Variants in ACOXL observed in about 807,000 individuals in gnomAD.
The protein encoded by ACOXL is acyl-CoA oxidase like.
In ACOXL, 70 loss-of-function variants were observed where a neutral mutation model predicts 71.9. That is an observed-to-expected ratio of 0.97 (90% CI 0.80 to 1.19). ACOXL has a LOEUF of 1.19. Ranked by LOEUF, ACOXL falls within the 50% of genes most tolerant of loss-of-function variation. ACOXL has a pLI of 0.00. For missense variants in ACOXL, 703 were observed against 736.3 expected (o/e 0.95, Z 0.52); for synonymous variants, 253 against 281.6 (o/e 0.90, Z 1.02).
intron 14 of ACOXL, among the ~76,000 whole-genome samples, chr2:111,028,573 A>G (rs570633258): frequency 6.6e-6 from 1 of 152,222 alleles, no homozygotes; most frequent in African/African-American, 2.4e-5. Context: ...TTCTACTTGA[A>G]CTTAAGGGGA....
At chr2:110,889,126 C>T (rs1574002558) in intron 10 of ACOXL, among the ~76,000 whole-genome samples, 1 of 152,184 alleles carries the variant, frequency 6.6e-6, no homozygotes, top group Non-Finnish European at 1.5e-5. Context: ...CATCCGAGGA[C>T]ATTTTAATTG....
chr2:110,837,874 G>C (rs969373213), intron 9 of ACOXL, among the ~76,000 whole-genome samples: 2 of 152,196 alleles, frequency 1.3e-5, no homozygotes, highest in African/African-American at 4.8e-5. Flanking sequence ...GTGTTCCCCA[G>C]GGAGGGCAGC....
chr2:110,973,379 C>G (rs1411971301), intron 12 of ACOXL, among the ~76,000 whole-genome samples: 1 of 151,886 alleles, frequency 6.6e-6, no homozygotes, highest in Admixed American at 6.6e-5. Flanking sequence ...GAGGTGGGGC[C>G]TTTGAGAGGT....
chr2:110,828,110 A>G (rs1057147664), intron 9 of ACOXL, among the ~76,000 whole-genome samples: 3 of 152,100 alleles, frequency 2.0e-5, no homozygotes, highest in African/African-American at 7.2e-5. Flanking sequence ...AGCTTGGACT[A>G]CAGGCACATG....
At chr2:110,865,160 A>G (rs188434818) in intron 10 of ACOXL, among the ~76,000 whole-genome samples, 68 of 152,366 alleles carry the variant, frequency 4.5e-4, no homozygotes, top group African/African-American at 1.6e-3. Flanking sequence ...TGTAGGTATC[A>G]ATATCGAAAA....
At chr2:110,736,619 C>CTTTTTTTTTTTTTTTTTTTTTTTTTT (rs57507260) in intron 1 of ACOXL, among the ~76,000 whole-genome samples, 1 of 113,264 alleles carries the variant, frequency 8.8e-6, no homozygotes, top group Non-Finnish European at 1.8e-5. Flanking sequence ...TTTGATTACT[C>CTTTTTTTTTTTTTTTTTTTTTTTTTT]TTTTTTTTTT....
chr2:110,779,180 G>A (rs1405657474), intron 2 of ACOXL, among the ~76,000 whole-genome samples: 2 of 152,194 alleles, frequency 1.3e-5, no homozygotes, highest in Non-Finnish European at 2.9e-5. Context: ...ATCCTGCACT[G>A]GGCTTTCCTG....
intron 9 of ACOXL, among the ~76,000 whole-genome samples, chr2:110,827,042 C>A (rs796212115): frequency 3.9e-4 from 59 of 152,258 alleles, no homozygotes; most frequent in African/African-American, 1.3e-3. Flanking sequence ...AATACAGACT[C>A]CATGCAGCTT....
intron 1 of ACOXL, among the ~76,000 whole-genome samples, chr2:110,764,382 A>G (rs1680777244): frequency 6.6e-6 from 1 of 152,188 alleles, no homozygotes; most frequent in Admixed American, 6.5e-5. Context: ...ACTTAAAGGT[A>G]TTTACTAAGT....
intron 1 of ACOXL, among the ~76,000 whole-genome samples, chr2:110,766,129 G>A (rs1681028348): frequency 6.6e-6 from 1 of 152,156 alleles, no homozygotes; most frequent in African/African-American, 2.4e-5. Flanking sequence ...TCCAATGTCT[G>A]ATTAATCTTG....
chr2:111,092,323 G>C (rs1043465022), intron 16 of ACOXL, among the ~76,000 whole-genome samples: 4 of 152,192 alleles, frequency 2.6e-5, no homozygotes, highest in Non-Finnish European at 4.4e-5. Context: ...ATTGTTGCTT[G>C]GTGCCCATGA....
intron 13 of ACOXL, among the ~76,000 whole-genome samples, chr2:110,992,198 T>G (rs1307972468): frequency 6.6e-6 from 1 of 152,236 alleles, no homozygotes; most frequent in East Asian, 1.9e-4. Flanking sequence ...GTCCATTTAT[T>G]TTTGTCTCAG....
chr2:110,890,297 TGAC>T (rs35749662), intron 10 of ACOXL, among the ~76,000 whole-genome samples: 47,174 of 151,860 alleles, frequency 0.31, 7,650 homozygotes, highest in Middle Eastern at 0.37. Context: ...ACTTTCTTGA[TGAC>T]GACATCCTTG....
At chr2:110,806,648 T>C (rs1412377473) in intron 9 of ACOXL, among the ~76,000 whole-genome samples, 2 of 152,236 alleles carry the variant, frequency 1.3e-5, no homozygotes, top group African/African-American at 2.4e-5. Flanking sequence ...GATAGCAGTC[T>C]CTGCACAATA....
chr2:111,009,316 C>A (rs895120148), intron 14 of ACOXL, among the ~76,000 whole-genome samples: 2 of 151,966 alleles, frequency 1.3e-5, no homozygotes, highest in South Asian at 2.1e-4. Flanking sequence ...GAGTTCGAGA[C>A]CAGCCTGGCC....
chr2:110,797,451 A>G (rs957033382), intron 5 of ACOXL, among the ~76,000 whole-genome samples: 1 of 152,210 alleles, frequency 6.6e-6, no homozygotes, highest in African/African-American at 2.4e-5. Flanking sequence ...AAATAGAGAG[A>G]CATTTTCAAA....
At chr2:110,965,974 A>G (rs1905356) in intron 12 of ACOXL, among the ~76,000 whole-genome samples, 1 of 151,930 alleles carries the variant, frequency 6.6e-6, no homozygotes, top group Non-Finnish European at 1.5e-5. Context: ...GCCTGATGAC[A>G]GAAAATCTTT....
intron 10 of ACOXL, among the ~76,000 whole-genome samples, chr2:110,851,129 C>CA (rs749170127): frequency 1.4e-4 from 22 of 152,138 alleles, no homozygotes; most frequent in Non-Finnish European, 2.6e-4. Context: ...GACTAGAAAG[C>CA]AAAGTGAGGG....
At chr2:110,863,407 C>T (rs1351629234) in intron 10 of ACOXL, among the ~76,000 whole-genome samples, 1 of 152,110 alleles carries the variant, frequency 6.6e-6, no homozygotes, top group Non-Finnish European at 1.5e-5. Context: ...AAGACTGGAA[C>T]GAAATTTGCC....
Sources: gnomAD v4.1 joint callset for allele counts (sites outside exome capture counted in the v4.1 genomes callset) on GRCh38, gnomAD v4.1.1 for gene constraint, MANE v1.5 for transcripts, NCBI Gene and HGNC (gene_info 2026-07-23, HGNC 2026-07-21) for gene names.